Variants in COL28A1 observed in about 807,000 individuals in gnomAD.
COL28A1 encodes the protein collagen type XXVIII alpha 1 chain, also known as collagen alpha-1(XXVIII) chain.
In COL28A1, 161 loss-of-function variants were observed where a neutral mutation model predicts 150.2. The ratio of observed to expected loss-of-function variants is 1.07; its 90% CI spans 0.94 to 1.22. The LOEUF is 1.22. Ranked by LOEUF, COL28A1 falls within the 50% of genes most tolerant of loss-of-function variation. COL28A1 has a pLI of 0.00. For missense variants in COL28A1, 1,617 were observed against 1,388.3 expected (o/e 1.16, Z -2.62); for synonymous variants, 552 against 469.7 (o/e 1.18, Z -2.26).
At chr7:7,402,244 A>G (rs1291201092) in intron 27 of COL28A1, among the ~76,000 whole-genome samples, 1 of 152,238 alleles carries the variant, frequency 6.6e-6, no homozygotes, top group African/African-American at 2.4e-5. Flanking sequence ...AAGGTTAAAC[A>G]TCAGAACATT....
chr7:7,490,439 A>T (rs1779854730), intron 12 of COL28A1, 139 bp downstream of exon 12: 3 of 492,928 alleles, frequency 6.1e-6, no homozygotes, highest in Non-Finnish European at 1.1e-5. Context: ...TTCTGTGTCC[A>T]AGCACATAAA....
intron 23 of COL28A1, among the ~76,000 whole-genome samples, chr7:7,433,621 A>T (rs1785135490): frequency 6.7e-6 from 1 of 148,562 alleles, no homozygotes; most frequent in South Asian, 2.1e-4. Flanking sequence ...GCGACAGAGC[A>T]AGGCTCTGTC....
intron 19 of COL28A1, 63 bp downstream of exon 19, chr7:7,444,355 G>A: frequency 5.0e-6 from 8 of 1,603,022 alleles, no homozygotes; most frequent in Non-Finnish European, 6.8e-6. Context: ...AGCTCCTGCA[G>A]GACCAAGATA....
At chr7:7,444,010 T>TTCA (rs1786039055) in intron 19 of COL28A1, among the ~76,000 whole-genome samples, 9 of 138,574 alleles carry the variant, frequency 6.5e-5, no homozygotes, top group South Asian at 4.6e-4. Context: ...TTTTTTTTGC[T>TTCA]ACTTTTACTG....
downstream of COL28A1, among the ~76,000 whole-genome samples, chr7:7,355,725 C>T (rs1216615103): frequency 3.3e-5 from 5 of 152,104 alleles, no homozygotes; most frequent in Non-Finnish European, 7.4e-5. Context: ...TTATATGCAA[C>T]TGGTGGGAAT....
rs908511542 is a variant in COL28A1 at position 7,502,791 on chromosome 7, A to G, written c.1026+3223T>C. 7.0e-5 allele frequency among the ~76,000 whole-genome samples: 6 copies of G among 86,154 alleles called. 1 individual carries two copies. The highest frequency in any genetic ancestry group is 1.1e-4 in the Non-Finnish European group (6 of 52,370). 56.5% of individuals were successfully genotyped at this position (86,154 alleles called of 152,430 possible). A position where few individuals can be genotyped will look rare whatever the true frequency, so the allele number is the denominator to read the frequency against. Reference sequence around the variant, plus strand: ...CGGCTCACTGCAAGCTCCGCCTCCCAGGTTCACGCCATTCTCCTGCCTCAG... The same window carrying G: ...CGGCTCACTGCAAGCTCCGCCTCCCGGGTTCACGCCATTCTCCTGCCTCAG... On this transcript the variant is annotated intron_variant, in intron 11 of 34. Transcript: ENST00000399429.
chr7:7,390,874 TTCTC>T (rs1410686479), intron 27 of COL28A1, among the ~76,000 whole-genome samples: 4 of 152,230 alleles, frequency 2.6e-5, no homozygotes, highest in Admixed American at 6.5e-5. Flanking sequence ...TATTTGATTC[TTCTC>T]TCTTTTATTG....
chr7:7,489,585 T>C, intron 12 of COL28A1, 128 bp from the exon 13 acceptor site: 2 of 649,024 alleles, frequency 3.1e-6, no homozygotes, highest in South Asian at 4.0e-5. Flanking sequence ...TTCATAAAGG[T>C]AAAAAATTCT....
intron 25 of COL28A1, among the ~76,000 whole-genome samples, chr7:7,425,905 A>C (rs1310067943): frequency 6.6e-6 from 1 of 152,192 alleles, no homozygotes. Flanking sequence ...TTTTCTAAAA[A>C]TATCAATATA....
At position 7,358,810 on chromosome 7, in the gene COL28A1, A is replaced by T. The variant is rs1222803373; in HGVS notation, c.3206-5T>A. The T allele has an allele frequency of 1.9e-6, 3 of 1,605,550 alleles. No individual in the cohort carries two copies. The highest frequency in any genetic ancestry group is 2.5e-6 in the Non-Finnish European group (3 of 1,176,802). On this transcript the variant is annotated splice_polypyrimidine_tract_variant and splice_region_variant and intron_variant, in intron 34 of 34. Coordinates refer to ENST00000399429, the MANE Select transcript of COL28A1 (RefSeq NM_001037763.3). ...AGGCTTCCAAACATCTAGGATCTAGAGTGAGAAAAGGAAAATGTGTCACGG... is the reference window on the plus strand; with the variant it reads ...AGGCTTCCAAACATCTAGGATCTAGTGTGAGAAAAGGAAAATGTGTCACGG...
In COL28A1 at chr7:7,490,100, T is replaced by C. The variant is rs1291529138; in HGVS notation, c.1095+478A>G. ...TTCTGCTTTATTAATATGTCCTGCA[T>C]AATGTACAGCCTCACAGGATGGACG... On this transcript the variant is annotated intron_variant, in intron 12 of 34. Coordinates refer to ENST00000399429, the MANE Select transcript of COL28A1 (RefSeq NM_001037763.3). Among the ~76,000 whole-genome samples, 4 of 152,252 alleles carry C rather than the reference T, an allele frequency of 2.6e-5. 1 individual carries two copies. In the South Asian group the frequency reaches 6.2e-4, roughly 24 times the overall value.
At chr7:7,429,460 C>CTG (rs200770639) in intron 25 of COL28A1, among the ~76,000 whole-genome samples, 21 of 130,540 alleles carry the variant, frequency 1.6e-4, no homozygotes, top group Admixed American at 8.3e-4. Flanking sequence ...TCTCTGTGCT[C>CTG]TGTGTGTGTG....
chr7:7,464,359 C>T (rs1368574656), intron 15 of COL28A1, among the ~76,000 whole-genome samples: 1 of 152,174 alleles, frequency 6.6e-6, no homozygotes, highest in African/African-American at 2.4e-5. Context: ...ACAAAATATA[C>T]ATTCTATTCA....
chr7:7,389,179 G>A (rs1782381622), intron 27 of COL28A1, among the ~76,000 whole-genome samples: 1 of 152,102 alleles, frequency 6.6e-6, no homozygotes, highest in Admixed American at 6.6e-5. Flanking sequence ...TTTGTATAAA[G>A]TGTAAGGAAG....
intron 31 of COL28A1, among the ~76,000 whole-genome samples, chr7:7,374,639 T>C (rs1304248871): frequency 2.0e-5 from 3 of 152,200 alleles, no homozygotes; most frequent in Admixed American, 1.3e-4. Context: ...TCTTTATTCA[T>C]ATCTTCCTGT....
At chr7:7,419,812 ATGAAGTTAC>A in intron 26 of COL28A1, 64 bp downstream of exon 26, 1 of 934,452 alleles carries the variant, frequency 1.1e-6, no homozygotes, top group Non-Finnish European at 1.5e-6. Flanking sequence ...AACACTTATT[ATGAAGTTAC>A]TGTTCACTTG....
rs183007802 is a variant in COL28A1 at position 7,461,680 on chromosome 7, T to A, written c.1303-5568A>T. On this transcript the variant is annotated intron_variant, in intron 15 of 34. Coordinates refer to ENST00000399429, the MANE Select transcript of COL28A1 (RefSeq NM_001037763.3). Reference sequence around the variant, plus strand: ...AGCCATTATCCTCCTAGGTATACAATTCCATTGATCTGGGAACCTCTCCCT... The same window carrying A: ...AGCCATTATCCTCCTAGGTATACAAATCCATTGATCTGGGAACCTCTCCCT... 5.7e-4 allele frequency among the ~76,000 whole-genome samples: 86 copies of A among 152,162 alleles called. 1 individual carries two copies. In the East Asian group the frequency reaches 0.016, roughly 28 times the overall value.
intron 27 of COL28A1, among the ~76,000 whole-genome samples, chr7:7,382,841 G>C (rs755282558): frequency 1.3e-5 from 2 of 152,084 alleles, no homozygotes; most frequent in African/African-American, 2.4e-5. Flanking sequence ...TTTGCCATAA[G>C]TCTGCTAAAG....
intron 27 of COL28A1, among the ~76,000 whole-genome samples, chr7:7,387,593 C>A (rs1562521942): frequency 6.7e-6 from 1 of 150,332 alleles, no homozygotes; most frequent in Non-Finnish European, 1.5e-5. Flanking sequence ...ATGACACAGA[C>A]ATATATATAT....
Sources: gnomAD v4.1 joint callset for allele counts (sites outside exome capture counted in the v4.1 genomes callset) on GRCh38, gnomAD v4.1.1 for gene constraint, MANE v1.5 for transcripts, NCBI Gene and HGNC (gene_info 2026-07-23, HGNC 2026-07-21) for gene names.